The following ZNF804B variants were observed in gnomAD, a reference collection of about 807,000 sequenced individuals.
ZNF804B encodes zinc finger protein 804B, also known as zinc finger 804B.
In ZNF804B, 80 loss-of-function variants were observed where a neutral mutation model predicts 101.4. That is an observed-to-expected ratio of 0.79 (90% CI 0.66 to 0.95). The LOEUF (loss-of-function observed/expected upper bound fraction) is 0.95. Ranked by LOEUF, ZNF804B falls within the 40% of genes least tolerant of loss-of-function variation. The probability of loss-of-function intolerance (pLI) is 0.00; values close to 1 mark genes in which losing one functional copy is unlikely to be tolerated. For synonymous variants in ZNF804B, 622 were observed against 558.8 expected (o/e 1.11, Z -1.59); for missense variants, 1,673 against 1,561.9 (o/e 1.07, Z -1.20).
At chr7:88,774,537 A>G (rs188852549) in intron 1 of ZNF804B, among the ~76,000 whole-genome samples, 8 of 152,284 alleles carry the variant, frequency 5.3e-5, no homozygotes, top group Non-Finnish European at 1.0e-4. Context: ...CTCTGTTCCT[A>G]GTGGTCAATG....
At chr7:88,791,127 A>C (rs1790376989) in intron 1 of ZNF804B, among the ~76,000 whole-genome samples, 3 of 152,130 alleles carry the variant, frequency 2.0e-5, no homozygotes, top group Admixed American at 2.0e-4. Context: ...GTTACTAATT[A>C]AGTTGGAGTA....
intron 1 of ZNF804B, among the ~76,000 whole-genome samples, chr7:89,059,489 A>G (rs889624162): frequency 2.6e-5 from 4 of 152,002 alleles, no homozygotes; most frequent in African/African-American, 9.7e-5. Flanking sequence ...CCAGATCCTA[A>G]GTGAACTGAG....
At chr7:89,028,530 T>C (rs1295476939) in intron 1 of ZNF804B, among the ~76,000 whole-genome samples, 2 of 152,150 alleles carry the variant, frequency 1.3e-5, no homozygotes, top group East Asian at 3.9e-4. Flanking sequence ...TTGAATGCCG[T>C]TTTCTACTTC....
chr7:88,931,914 ATTGGTGTTTCC>A (rs1792892792), intron 1 of ZNF804B, among the ~76,000 whole-genome samples: 2 of 151,790 alleles, frequency 1.3e-5, no homozygotes, highest in Non-Finnish European at 2.9e-5. Context: ...TGCTAGTACT[ATTGGTGTTTCC>A]CAGAAGCAAA....
chr7:89,250,578 C>G (rs778265666), intron 2 of ZNF804B, among the ~76,000 whole-genome samples: 4 of 152,100 alleles, frequency 2.6e-5, no homozygotes, highest in Non-Finnish European at 5.9e-5. Flanking sequence ...GGACTCCTCC[C>G]TAACTCATTC....
chr7:89,206,533 C>T (rs1399217882), intron 1 of ZNF804B, among the ~76,000 whole-genome samples: 6 of 152,074 alleles, frequency 3.9e-5, no homozygotes, highest in African/African-American at 1.2e-4. Context: ...GAGTGGATCA[C>T]CTGAGGTCAG....
intron 1 of ZNF804B, among the ~76,000 whole-genome samples, chr7:88,810,544 C>T (rs1020759807): frequency 1.3e-5 from 2 of 151,642 alleles, no homozygotes; most frequent in Non-Finnish European, 2.9e-5. Flanking sequence ...CACCTGTAGT[C>T]CCAGCTACTC....
intron 1 of ZNF804B, among the ~76,000 whole-genome samples, chr7:89,166,250 T>G (rs2116426670): frequency 6.6e-6 from 1 of 152,302 alleles, no homozygotes; most frequent in South Asian, 2.1e-4. Flanking sequence ...GTTGTACATT[T>G]AACCTTTGAG....
In ZNF804B at chr7:89,287,857, A is replaced by G. The variant is rs192601588; in HGVS notation, c.250-39487A>G. ...ATCTAGCAGTAAGAACAATGCTAAA[A>G]TAAGCTTTCCCTAACAAAGCCTAAA... is the stretch of plus-strand genomic sequence containing the variant. On this transcript the variant is annotated intron_variant, in intron 2 of 3. Coordinates refer to ENST00000333190, the MANE Select transcript of ZNF804B (RefSeq NM_181646.5). 6.2e-4 allele frequency among the ~76,000 whole-genome samples: 95 copies of G among 152,272 alleles called. No individual in the cohort carries two copies. The East Asian group carries it at 0.01, about 17-fold the overall frequency.
intron 1 of ZNF804B, among the ~76,000 whole-genome samples, chr7:89,215,236 A>C (rs561100747): frequency 6.6e-6 from 1 of 152,336 alleles, no homozygotes; most frequent in East Asian, 1.9e-4. Context: ...CTTGTAAAAT[A>C]TAAGTGTTCA....
intron 1 of ZNF804B, among the ~76,000 whole-genome samples, chr7:89,028,352 A>G (rs915965617): frequency 3.9e-5 from 6 of 152,142 alleles, no homozygotes; most frequent in African/African-American, 1.2e-4. Context: ...GGATGATAGA[A>G]AACATTAAAA....
chr7:89,164,984 A>T (rs1791119613), intron 1 of ZNF804B, among the ~76,000 whole-genome samples: 2 of 152,108 alleles, frequency 1.3e-5, no homozygotes, highest in South Asian at 4.1e-4. Flanking sequence ...ATTTCAAGGT[A>T]TACATTTCTG....
chr7:88,769,706 C>A (rs745516162), intron 1 of ZNF804B, among the ~76,000 whole-genome samples: 15 of 152,064 alleles, frequency 9.9e-5, no homozygotes, highest in Non-Finnish European at 1.9e-4. Flanking sequence ...GACAATAATT[C>A]CCTGACCAAC....
intron 1 of ZNF804B, among the ~76,000 whole-genome samples, chr7:88,809,351 CTAT>C (rs1562799799): frequency 8.6e-5 from 13 of 150,366 alleles, no homozygotes; most frequent in Admixed American, 1.3e-4. Flanking sequence ...ATCTATCTAT[CTAT>C]CTACCTATCT....
chr7:89,154,286 A>G (rs1418913965), intron 1 of ZNF804B, among the ~76,000 whole-genome samples: 1 of 152,196 alleles, frequency 6.6e-6, no homozygotes, highest in East Asian at 1.9e-4. Flanking sequence ...ACTGGTGAGA[A>G]TGTCAATTAG....
chr7:89,228,867 TA>T (rs1466572556), intron 2 of ZNF804B, among the ~76,000 whole-genome samples: 3 of 152,042 alleles, frequency 2.0e-5, no homozygotes, highest in Non-Finnish European at 4.4e-5. Flanking sequence ...ACGGAGCAGG[TA>T]GGGGGAGGCT....
At chr7:89,290,694 C>T (rs1186539578) in intron 2 of ZNF804B, among the ~76,000 whole-genome samples, 1 of 152,092 alleles carries the variant, frequency 6.6e-6, no homozygotes, top group East Asian at 1.9e-4. Flanking sequence ...GGTTTGAGTG[C>T]CAGCTCAGCC....
rs142166100 is a variant in ZNF804B, at chr7:89,047,375, G to A, written c.109-170780G>A. 1.8e-3 allele frequency among the ~76,000 whole-genome samples: 279 copies of A among 152,066 alleles called. 1 individual carries two copies. Among genetic ancestry groups the A allele is most frequent in the African/African-American group, 6.4e-3 (266 of 41,482 alleles). On this transcript the variant is annotated intron_variant, in intron 1 of 3. Coordinates refer to ENST00000333190, the MANE Select transcript of ZNF804B (RefSeq NM_181646.5). ...CTAGTTGATTTTCCATATGAATTAG[G>A]GATAATGTGTATTAAATTACCAAAA...
At chr7:89,058,539 C>A (rs1291158751) in intron 1 of ZNF804B, among the ~76,000 whole-genome samples, 1 of 152,070 alleles carries the variant, frequency 6.6e-6, no homozygotes, top group Non-Finnish European at 1.5e-5. Flanking sequence ...TAGAAACAAG[C>A]ATTTTTTAAG....
Sources: gnomAD v4.1 joint callset for allele counts (sites outside exome capture counted in the v4.1 genomes callset) on GRCh38, gnomAD v4.1.1 for gene constraint, MANE v1.5 for transcripts, NCBI Gene and HGNC (gene_info 2026-07-23, HGNC 2026-07-21) for gene names.